Variants in ROBO1 observed in about 807,000 individuals in gnomAD.
ROBO1 encodes roundabout homolog 1.
A neutral mutation model predicts 195.9 loss-of-function variants in ROBO1; 149 were observed. The observed-to-expected ratio is 0.76, with a 90% CI of 0.67 to 0.87. The LOEUF is 0.87. Among genes scored for constraint, ROBO1 ranks in the 40% least tolerant of loss-of-function variants. The pLI, the probability that ROBO1 is intolerant of heterozygous loss-of-function variation, is 0.00. For synonymous variants in ROBO1, 816 were observed against 733.2 expected, an observed-to-expected ratio of 1.11 and a Z score of -1.82; for missense variants, 1,933 against 2,068.3, an observed-to-expected ratio of 0.93 and a Z score of 1.27.
intron 2 of ROBO1, among the ~76,000 whole-genome samples, chr3:79,253,158 C>CGCT (rs1406045043): frequency 1.3e-5 from 2 of 151,790 alleles, no homozygotes; most frequent in Non-Finnish European, 2.9e-5. Flanking sequence ...AGTGTGTAGA[C>CGCT]AAAAAAGAAA....
intron 17 of ROBO1, among the ~76,000 whole-genome samples, chr3:78,658,035 C>T (rs564195742): frequency 2.4e-4 from 36 of 152,248 alleles, no homozygotes; most frequent in African/African-American, 6.0e-4. Flanking sequence ...AATAGCAATA[C>T]ATATTTGATG....
chr3:79,021,295 T>G (rs1183340263), intron 3 of ROBO1, among the ~76,000 whole-genome samples: 1 of 152,152 alleles, frequency 6.6e-6, no homozygotes, highest in Non-Finnish European at 1.5e-5. Flanking sequence ...ACAAAATACT[T>G]TTAAGAGAAG....
chr3:78,780,752 G>A (rs2083652805), intron 4 of ROBO1, among the ~76,000 whole-genome samples: 1 of 151,894 alleles, frequency 6.6e-6, no homozygotes, highest in Admixed American at 6.6e-5. Flanking sequence ...AGTCTCTTTT[G>A]GTGCCTACCA....
At chr3:78,717,137 TTATCTCCAGTATTG>T in intron 7 of ROBO1, 124 bp downstream of exon 7, 1 of 835,918 alleles carries the variant, frequency 1.2e-6, no homozygotes, top group Non-Finnish European at 1.7e-6. Flanking sequence ...CTGCTTCTAA[TTATCTCCAGTATTG>T]TATCTGGCCC....
intron 2 of ROBO1, among the ~76,000 whole-genome samples, chr3:79,200,721 T>C (rs189574553): frequency 2.4e-4 from 36 of 151,996 alleles, no homozygotes; most frequent in Admixed American, 1.2e-3. Context: ...GAAAAGTCCA[T>C]TAACTGTGAG....
At chr3:79,629,925 A>G (rs2108018649) in intron 1 of ROBO1, among the ~76,000 whole-genome samples, 1 of 151,782 alleles carries the variant, frequency 6.6e-6, no homozygotes, top group East Asian at 1.9e-4. Flanking sequence ...GCAACCTCTC[A>G]ATATTGAACC....
chr3:79,251,373 AT>A (rs2082725609), intron 2 of ROBO1, among the ~76,000 whole-genome samples: 1 of 152,162 alleles, frequency 6.6e-6, no homozygotes, highest in Admixed American at 6.5e-5. Flanking sequence ...TTGTTTACTT[AT>A]TGTTCAATAC....
chr3:79,685,240 G>A (rs916893488), intron 1 of ROBO1, among the ~76,000 whole-genome samples: 3 of 152,146 alleles, frequency 2.0e-5, no homozygotes, highest in Non-Finnish European at 4.4e-5. Flanking sequence ...GAGGGCCTCT[G>A]TGTGCATGTT....
At chr3:79,144,186 T>C (rs191669543) in intron 2 of ROBO1, among the ~76,000 whole-genome samples, 4 of 152,216 alleles carry the variant, frequency 2.6e-5, no homozygotes, top group Admixed American at 1.3e-4. Context: ...GTATTAAATA[T>C]ACATTTTCAT....
chr3:78,633,263 G>T (rs1421244317), intron 24 of ROBO1, among the ~76,000 whole-genome samples: 1 of 152,108 alleles, frequency 6.6e-6, no homozygotes, highest in African/African-American at 2.4e-5. Flanking sequence ...ATAACGAACT[G>T]CCTTTAATTA....
At chr3:78,681,255 G>C (rs1003064259) in intron 10 of ROBO1, among the ~76,000 whole-genome samples, 2 of 151,966 alleles carry the variant, frequency 1.3e-5, no homozygotes, top group African/African-American at 4.8e-5. Context: ...AATGGGTGCA[G>C]CACAGCAGCA....
intron 29 of ROBO1, among the ~76,000 whole-genome samples, chr3:78,602,053 TG>T (rs2107239749): frequency 6.6e-6 from 1 of 151,780 alleles, no homozygotes; most frequent in African/African-American, 2.4e-5. Context: ...TGAGTGTGTG[TG>T]TGTGTGTGTG....
At chr3:78,696,529 G>A (rs1392530513) in intron 8 of ROBO1, among the ~76,000 whole-genome samples, 1 of 151,714 alleles carries the variant, frequency 6.6e-6, no homozygotes, top group East Asian at 1.9e-4. Flanking sequence ...ATCAATTAGT[G>A]GTGAAGAATA....
intron 1 of ROBO1, among the ~76,000 whole-genome samples, chr3:79,732,495 A>G (rs1373137911): frequency 6.6e-6 from 1 of 152,128 alleles, no homozygotes; most frequent in Non-Finnish European, 1.5e-5. Flanking sequence ...TATATACCAA[A>G]TCTTGCTGTC....
chr3:79,563,652 G>C (rs1027979919), intron 2 of ROBO1, among the ~76,000 whole-genome samples: 1 of 152,084 alleles, frequency 6.6e-6, no homozygotes, highest in Non-Finnish European at 1.5e-5. Flanking sequence ...CTAAAGATCA[G>C]TGGTAGAAAA....
At chr3:79,249,599 C>T (rs1365508951) in intron 2 of ROBO1, among the ~76,000 whole-genome samples, 4 of 152,164 alleles carry the variant, frequency 2.6e-5, no homozygotes, top group African/African-American at 7.2e-5. Flanking sequence ...AAAACTTAAA[C>T]TCCTATATGG....
At chr3:79,569,569 A>G (rs924674188) in intron 2 of ROBO1, among the ~76,000 whole-genome samples, 5 of 152,098 alleles carry the variant, frequency 3.3e-5, no homozygotes, top group African/African-American at 1.2e-4. Flanking sequence ...TAAAAATGAA[A>G]TCTGTCAACA....
Position 78,670,186 on chromosome 3 carries a change from A to G in ROBO1, c.1458T>C (p.Ile486=). 1.2e-6 allele frequency: 2 copies of G among 1,612,308 alleles called. No individual in the cohort carries two copies. The highest frequency in any genetic ancestry group is 1.7e-4 in the Middle Eastern group (1 of 6,060). The change falls in exon 11 of 31, where the codon ATT becomes ATC. Residue 486 remains isoleucine, a synonymous_variant. Coordinates refer to ENST00000464233, the MANE Select transcript of ROBO1 (RefSeq NM_002941.4). ...CGAGGACTCCATCCTTTCTCCACAGAATGGTGGGCACTGGACTGCCTGTGG... is the reference window on the plus strand; with the variant it reads ...CGAGGACTCCATCCTTTCTCCACAGGATGGTGGGCACTGGACTGCCTGTGG... ...CVATGSPVPT[I]LWRKDGVLVS...
intron 1 of ROBO1, among the ~76,000 whole-genome samples, chr3:79,604,644 C>A (rs780724342): frequency 4.6e-5 from 7 of 151,882 alleles, no homozygotes; most frequent in African/African-American, 7.2e-5. Flanking sequence ...GGGTGGGTGC[C>A]CAATTCCTCA....
Sources: gnomAD v4.1 joint callset for allele counts (sites outside exome capture counted in the v4.1 genomes callset) on GRCh38, gnomAD v4.1.1 for gene constraint, MANE v1.5 for transcripts, NCBI Gene and HGNC (gene_info 2026-07-23, HGNC 2026-07-21) for gene names.